SLC10A7: variants seen among roughly 807,000 people sequenced by gnomAD.
The protein encoded by SLC10A7 is sodium/bile acid cotransporter 7.
A neutral mutation model predicts 43.2 loss-of-function variants in SLC10A7; 29 were observed. That is an observed-to-expected ratio of 0.67 (90% CI 0.50 to 0.92). The LOEUF is 0.92. Among genes scored for constraint, SLC10A7 ranks in the 40% least tolerant of loss-of-function variants. The probability of loss-of-function intolerance (pLI) is 0.00; values close to 1 mark genes in which losing one functional copy is unlikely to be tolerated. For synonymous variants in SLC10A7, 152 were observed against 144.8 expected (o/e 1.05, Z -0.35); for missense variants, 295 against 403.2 (o/e 0.73, Z 2.30).
Position 146,371,229 on chromosome 4 carries a change from G to A in SLC10A7, c.436-45233C>T, listed in dbSNP as rs1336285822. On this transcript the variant is annotated intron_variant, in intron 5 of 11. Transcript: ENST00000335472. ...TTCAAATCTGCTTTCACCAGATATC[G>A]GGGGTACCAGCAAAAGGCATCCACC... is the stretch of plus-strand genomic sequence containing the variant. 3.9e-5 allele frequency among the ~76,000 whole-genome samples: 6 copies of A among 152,144 alleles called. 1 individual carries two copies. The highest frequency in any genetic ancestry group is 1.9e-4 in the East Asian group (1 of 5,198).
intron 9 of SLC10A7, among the ~76,000 whole-genome samples, chr4:146,292,542 A>G (rs111832830): frequency 3.3e-5 from 5 of 152,364 alleles, no homozygotes; most frequent in African/African-American, 1.2e-4. Flanking sequence ...TCCATTTTGA[A>G]TATCTTGAGT....
At chr4:146,403,581 C>G (rs1322654942) in intron 5 of SLC10A7, among the ~76,000 whole-genome samples, 1 of 152,134 alleles carries the variant, frequency 6.6e-6, no homozygotes, top group Non-Finnish European at 1.5e-5. Context: ...TACTTCACAC[C>G]TAACTATGAC....
At chr4:146,406,978 A>G (rs1377535106) in intron 5 of SLC10A7, among the ~76,000 whole-genome samples, 2 of 152,130 alleles carry the variant, frequency 1.3e-5, no homozygotes, top group Non-Finnish European at 1.5e-5. Context: ...GTGAGACTAC[A>G]TCTGAAAAAA....
Position 146,356,659 on chromosome 4 carries a change from T to C in SLC10A7, c.436-30663A>G, listed in dbSNP as rs576018768. 2.3e-5 allele frequency among the ~76,000 whole-genome samples: 3 copies of C among 132,804 alleles called. No individual in the cohort carries two copies. In the East Asian group the frequency reaches 6.3e-4, roughly 28 times the overall value. 87.1% of individuals were successfully genotyped at this position (132,804 alleles called of 152,430 possible). Reference sequence around the variant, plus strand: ...CTTTATTTTTGTTCACACCACTTGATATTATACTTATTTGCTTTTGTCTAT... The same window carrying C: ...CTTTATTTTTGTTCACACCACTTGACATTATACTTATTTGCTTTTGTCTAT... On this transcript the variant is annotated intron_variant, in intron 5 of 11. Coordinates refer to ENST00000335472, the MANE Select transcript of SLC10A7 (RefSeq NM_001029998.6).
intron 5 of SLC10A7, among the ~76,000 whole-genome samples, chr4:146,434,645 C>T (rs1560904067): frequency 6.6e-6 from 1 of 152,194 alleles, no homozygotes; most frequent in Non-Finnish European, 1.5e-5. Flanking sequence ...CTCACTGCAA[C>T]CTCCACCTCC....
rs185695577 is a variant in SLC10A7, at chr4:146,435,186, C to A, written c.435+7597G>T. Among the ~76,000 whole-genome samples the A allele has an allele frequency of 1.5e-3, 232 of 152,162 alleles. 7 individuals carry two copies. The South Asian group carries it at 0.046, about 30-fold the overall frequency. ...AATCTGCCATTTCCAAAAATACAGACTATTGTTTTTTAGAAATGCTAAATT... is the reference window on the plus strand; with the variant it reads ...AATCTGCCATTTCCAAAAATACAGAATATTGTTTTTTAGAAATGCTAAATT... On this transcript the variant is annotated intron_variant, in intron 5 of 11. Transcript: ENST00000335472.
chr4:146,264,346 T>C (rs1420861602), intron 10 of SLC10A7, among the ~76,000 whole-genome samples: 1 of 152,242 alleles, frequency 6.6e-6, no homozygotes, highest in Non-Finnish European at 1.5e-5. Context: ...AGATTAAATA[T>C]GGACTTTTAT....
chr4:146,398,953 G>A (rs1484338382), intron 5 of SLC10A7, among the ~76,000 whole-genome samples: 2 of 152,194 alleles, frequency 1.3e-5, no homozygotes, highest in Admixed American at 1.3e-4. Context: ...ACAAGGACCC[G>A]ACTCTCTAGT....
intron 4 of SLC10A7, among the ~76,000 whole-genome samples, chr4:146,495,853 T>G (rs1208291295): frequency 6.7e-6 from 1 of 150,126 alleles, no homozygotes; most frequent in Non-Finnish European, 1.5e-5. Flanking sequence ...ATACCCCAAA[T>G]CAAAATGTTT....
intron 5 of SLC10A7, among the ~76,000 whole-genome samples, chr4:146,409,281 C>G (rs1471094735): frequency 7.1e-6 from 1 of 140,260 alleles, no homozygotes; most frequent in African/African-American, 2.6e-5. Context: ...AAAGTAAGTG[C>G]AATAACACTT....
intron 5 of SLC10A7, among the ~76,000 whole-genome samples, chr4:146,407,700 C>T (rs1053468168): frequency 7.9e-5 from 12 of 152,174 alleles, no homozygotes; most frequent in Admixed American, 6.5e-5. Context: ...GCCATTCCCA[C>T]CCTCTTATAT....
At chr4:146,509,027 C>T (rs1737190777) in intron 3 of SLC10A7, among the ~76,000 whole-genome samples, 1 of 152,166 alleles carries the variant, frequency 6.6e-6, no homozygotes, top group African/African-American at 2.4e-5. Flanking sequence ...AGCCTTTGTA[C>T]ATTATGTTTC....
chr4:146,428,790 TA>T (rs1036079386), intron 5 of SLC10A7, among the ~76,000 whole-genome samples: 2 of 152,172 alleles, frequency 1.3e-5, no homozygotes, highest in Non-Finnish European at 2.9e-5. Flanking sequence ...TACTTTCCTT[TA>T]ATACCAACAG....
intron 6 of SLC10A7, among the ~76,000 whole-genome samples, chr4:146,312,739 C>T (rs1052897317): frequency 2.6e-5 from 4 of 152,064 alleles, no homozygotes; most frequent in Non-Finnish European, 4.4e-5. Flanking sequence ...CCATGTTATA[C>T]GCTAATTTAA....
At chr4:146,284,886 G>A (rs927690993) in intron 9 of SLC10A7, among the ~76,000 whole-genome samples, 1 of 152,174 alleles carries the variant, frequency 6.6e-6, no homozygotes, top group African/African-American at 2.4e-5. Flanking sequence ...ACATGAGAAA[G>A]AGGAGAGGAG....
chr4:146,466,663 G>T (rs1733064459), intron 4 of SLC10A7, among the ~76,000 whole-genome samples: 2 of 152,096 alleles, frequency 1.3e-5, no homozygotes, highest in South Asian at 4.1e-4. Flanking sequence ...GACATTTATT[G>T]AGCACCTTCT....
intron 6 of SLC10A7, among the ~76,000 whole-genome samples, chr4:146,322,038 T>C (rs1041490225): frequency 2.0e-5 from 3 of 152,122 alleles, no homozygotes; most frequent in African/African-American, 7.2e-5. Context: ...ACATTGAGGG[T>C]CTTGGCAAGT....
chr4:146,409,981 G>C (rs1728064236), intron 5 of SLC10A7, among the ~76,000 whole-genome samples: 2 of 152,132 alleles, frequency 1.3e-5, no homozygotes, highest in African/African-American at 4.8e-5. Flanking sequence ...AGACACACAT[G>C]ATATATTCAA....
At chr4:146,360,043 T>A (rs2149761660) in intron 5 of SLC10A7, among the ~76,000 whole-genome samples, 1 of 152,344 alleles carries the variant, frequency 6.6e-6, no homozygotes, top group Admixed American at 6.5e-5. Flanking sequence ...CCTGTTCTTC[T>A]GTACCCACCT....
Sources: gnomAD v4.1 joint callset for allele counts (sites outside exome capture counted in the v4.1 genomes callset) on GRCh38, gnomAD v4.1.1 for gene constraint, MANE v1.5 for transcripts, NCBI Gene and HGNC (gene_info 2026-07-23, HGNC 2026-07-21) for gene names.